Variants in KIF26B observed in about 807,000 individuals in gnomAD.
The protein encoded by KIF26B is kinesin-like protein KIF26B.
Under a neutral mutation model 151.2 loss-of-function variants are expected in KIF26B, and 63 were observed. That is an observed-to-expected ratio of 0.42 (90% CI 0.34 to 0.51). The LOEUF is 0.51. Ranked by LOEUF, KIF26B falls within the 20% of genes least tolerant of loss-of-function variation. The probability of loss-of-function intolerance (pLI) is 0.07; values close to 1 mark genes in which losing one functional copy is unlikely to be tolerated. For missense variants in KIF26B, 2,813 were observed against 2,913.6 expected (o/e 0.97, Z 0.79); for synonymous variants, 1,357 against 1,262.1 (o/e 1.08, Z -1.59).
At chr1:245,470,383 A>C (rs1375345439) in intron 4 of KIF26B, among the ~76,000 whole-genome samples, 1 of 152,164 alleles carries the variant, frequency 6.6e-6, no homozygotes, top group African/African-American at 2.4e-5. Flanking sequence ...GGGTGGCAAA[A>C]CAGTCACTGC....
chr1:245,184,027 A>G (rs1457744386), intron 2 of KIF26B, among the ~76,000 whole-genome samples: 1 of 48,632 alleles, frequency 2.1e-5, no homozygotes, highest in African/African-American at 5.7e-5. Context: ...AACCTCCTGC[A>G]ACAGGTATGG....
chr1:245,497,764 G>C (rs1005977340), intron 4 of KIF26B, among the ~76,000 whole-genome samples: 1 of 152,024 alleles, frequency 6.6e-6, no homozygotes, highest in African/African-American at 2.4e-5. Context: ...TTTATTTTAA[G>C]ACAGAATCTT....
At chr1:245,261,373 C>T (rs1182305671) in intron 2 of KIF26B, among the ~76,000 whole-genome samples, 2 of 151,972 alleles carry the variant, frequency 1.3e-5, no homozygotes, top group Non-Finnish European at 2.9e-5. Flanking sequence ...TCAGGTGATC[C>T]GCCCACCTTG....
intron 5 of KIF26B, among the ~76,000 whole-genome samples, chr1:245,549,137 G>T (rs1661820991): frequency 6.6e-6 from 1 of 152,190 alleles, no homozygotes; most frequent in Non-Finnish European, 1.5e-5. Flanking sequence ...GTGTGTGTGT[G>T]TAAGTGTGTA....
chr1:245,219,973 A>G (rs969421607), intron 2 of KIF26B, among the ~76,000 whole-genome samples: 1 of 152,120 alleles, frequency 6.6e-6, no homozygotes, highest in Non-Finnish European at 1.5e-5. Flanking sequence ...GAACAGCCCA[A>G]ACTCTGCTGG....
chr1:245,402,351 T>C (rs926088719), intron 3 of KIF26B, among the ~76,000 whole-genome samples: 1 of 152,222 alleles, frequency 6.6e-6, no homozygotes, highest in South Asian at 2.1e-4. Context: ...GAGTCCCTCC[T>C]GTCTGCAAGG....
Position 245,607,659 on chromosome 1 carries a change from G to C in KIF26B, c.1566G>C (p.Val522=). ...CCTCTTGTGTCTGACAGGCTGAAGT[G>C]TGTGCAGGCACCGTGGCAGAGGTGA... ...VFPQDASQAE[V]CAGTVAEVIQ... is the part of the protein sequence containing the mutation. The change falls in exon 7 of 15, where the codon GTG becomes GTC. Residue 522 remains valine, a synonymous_variant. Transcript: ENST00000407071. The C allele has an allele frequency of 6.2e-7, 1 of 1,610,082 alleles. No individual in the cohort carries two copies. Among genetic ancestry groups the C allele is most frequent in the Non-Finnish European group, 8.5e-7 (1 of 1,178,194 alleles).
chr1:245,245,284 A>G (rs1399284043), intron 2 of KIF26B, among the ~76,000 whole-genome samples: 2 of 152,094 alleles, frequency 1.3e-5, no homozygotes, highest in Non-Finnish European at 2.9e-5. Context: ...TGGTCTACTG[A>G]TGATCAAAGC....
At position 245,602,927 on chromosome 1, in the gene KIF26B, G is replaced by T; in HGVS notation, c.1557+144G>T. On this transcript the variant is annotated intron_variant, in intron 6 of 14. Transcript: ENST00000407071. This position sits in a 1 kb window ranked among gnomAD's most constrained non-coding sequence, Gnocchi z 4.5. The stretch of plus-strand genomic sequence containing the variant: ...TTCAGGAGTCAATCTGAGCTCCACC[G>T]AATGGTCCAGTGCTTTTGAATTACT... The T allele has an allele frequency of 1.4e-6, 1 of 732,892 alleles. No individual in the cohort carries two copies. 45.4% of individuals were successfully genotyped at this position (732,892 alleles called of 1,614,324 possible). A position where few individuals can be genotyped will look rare whatever the true frequency, so the allele number is the denominator to read the frequency against.
intron 2 of KIF26B, among the ~76,000 whole-genome samples, chr1:245,281,930 T>C (rs986872686): frequency 6.6e-6 from 1 of 151,806 alleles, no homozygotes; most frequent in African/African-American, 2.4e-5. Flanking sequence ...TGCGGTGTTA[T>C]TTCTGAGGGC....
intron 2 of KIF26B, among the ~76,000 whole-genome samples, chr1:245,209,311 G>A (rs980878552): frequency 8.5e-5 from 13 of 152,092 alleles, no homozygotes; most frequent in Non-Finnish European, 1.9e-4. Flanking sequence ...TGAGGCAGGA[G>A]AATCGCTTGA....
At chr1:245,644,190 C>T (rs2043921837) in intron 9 of KIF26B, among the ~76,000 whole-genome samples, 2 of 151,454 alleles carry the variant, frequency 1.3e-5, no homozygotes, top group South Asian at 4.2e-4. Context: ...GTTTTTTTTC[C>T]CTATATATTT....
intron 2 of KIF26B, among the ~76,000 whole-genome samples, chr1:245,161,398 G>A (rs1454617493): frequency 2.6e-5 from 4 of 152,166 alleles, no homozygotes; most frequent in African/African-American, 9.7e-5. Context: ...CACACCCATT[G>A]CAGATAGGAT....
At chr1:245,180,286 A>G (rs1450222348) in intron 2 of KIF26B, among the ~76,000 whole-genome samples, 2 of 117,038 alleles carry the variant, frequency 1.7e-5, no homozygotes, top group Admixed American at 1.1e-4. Context: ...CAGATCCTGC[A>G]GGTAGCAGAG....
rs1039137581 is a variant in KIF26B, at chr1:245,166,605, G to A, written c.465+9922G>A. 6.6e-6 allele frequency among the ~76,000 whole-genome samples: 1 copy of A among 152,214 alleles called. No individual in the cohort carries two copies. Among genetic ancestry groups the A allele is most frequent in the Non-Finnish European group, 1.5e-5 (1 of 68,034 alleles). On this transcript the variant is annotated intron_variant, in intron 2 of 14. Transcript: ENST00000407071. This position sits in a 1 kb window ranked among gnomAD's most constrained non-coding sequence, Gnocchi z 4.5. ...TGGCATTTGGCATTTCGGCTCCGGG[G>A]AATGAGGGAGAGCAGATTTCCTCCA...
At chr1:245,156,877 C>T (rs1032050905) in intron 2 of KIF26B, among the ~76,000 whole-genome samples, 194 bp downstream of exon 2, 4 of 152,320 alleles carry the variant, frequency 2.6e-5, no homozygotes, top group African/African-American at 9.6e-5. Flanking sequence ...AGCCAGGCCG[C>T]CCGGGGGGCA....
intron 9 of KIF26B, among the ~76,000 whole-genome samples, chr1:245,623,591 A>C (rs575626128): frequency 1.1e-4 from 17 of 152,210 alleles, no homozygotes; most frequent in Non-Finnish European, 1.8e-4. Context: ...AGATGCTCCA[A>C]ATCTGAAACT....
chr1:245,423,264 T>C (rs1193593436), intron 4 of KIF26B, among the ~76,000 whole-genome samples: 1 of 152,152 alleles, frequency 6.6e-6, no homozygotes, highest in Non-Finnish European at 1.5e-5. Context: ...CCTCTTCATA[T>C]GCAAACCCCC....
At chr1:245,267,434 A>G (rs1226519122) in intron 2 of KIF26B, among the ~76,000 whole-genome samples, 1 of 152,166 alleles carries the variant, frequency 6.6e-6, no homozygotes, top group East Asian at 1.9e-4. Context: ...TTGAGGCACA[A>G]CCCTGTGAGT....
Sources: gnomAD v4.1 joint callset for allele counts (sites outside exome capture counted in the v4.1 genomes callset) on GRCh38, gnomAD v4.1.1 for gene constraint, Gnocchi (gnomAD v3.1) non-coding constraint, MANE v1.5 for transcripts, NCBI Gene and HGNC (gene_info 2026-07-23, HGNC 2026-07-21) for gene names.